Variants in AMOTL1 observed in about 807,000 individuals in gnomAD.
AMOTL1 encodes angiomotin-like protein 1.
AMOTL1 carries 45 observed loss-of-function variants against 102.9 expected under a neutral mutation model. The ratio of observed to expected loss-of-function variants is 0.44; its 90% CI spans 0.34 to 0.56. The LOEUF (loss-of-function observed/expected upper bound fraction) is 0.56, where lower values mean the gene tolerates loss of function less well. Among genes scored for constraint, AMOTL1 ranks in the 20% least tolerant of loss-of-function variants. The probability of loss-of-function intolerance (pLI) is 0.01; values close to 1 mark genes in which losing one functional copy is unlikely to be tolerated. For missense variants in AMOTL1, 1,114 were observed against 1,225.6 expected (o/e 0.91, Z 1.36); for synonymous variants, 481 against 484.7 (o/e 0.99, Z 0.10).
rs148599960 is a variant in AMOTL1 at position 94,762,323 on chromosome 11, C to T, written c.136+21335C>T. 2.5e-3 allele frequency among the ~76,000 whole-genome samples: 387 copies of T among 152,322 alleles called. 1 individual carries two copies. Among genetic ancestry groups the T allele is most frequent in the Non-Finnish European group, 4.5e-3 (303 of 68,034 alleles). On this transcript the variant is annotated intron_variant, in intron 3 of 4. Transcript: ENST00000299004. ...GGTAACATCAATTAATCAACTAACT[C>T]AGTGGTTCTCAATCAGAGGCAATTT... is the stretch of plus-strand genomic sequence containing the variant.
intron 3 of AMOTL1, among the ~76,000 whole-genome samples, chr11:94,802,833 G>A (rs1445545889): frequency 3.3e-5 from 5 of 152,208 alleles, no homozygotes; most frequent in Admixed American, 1.3e-4. Flanking sequence ...GCCTGAACTC[G>A]AAGGATTGGA....
intron 3 of AMOTL1, among the ~76,000 whole-genome samples, chr11:94,747,048 A>G (rs1364528862): frequency 6.6e-6 from 1 of 151,766 alleles, no homozygotes; most frequent in Non-Finnish European, 1.5e-5. Flanking sequence ...TGTGACCTCT[A>G]TCTCCTATGT....
intron 4 of AMOTL1, among the ~76,000 whole-genome samples, chr11:94,822,097 G>A (rs1428443494): frequency 1.3e-5 from 2 of 152,154 alleles, no homozygotes; most frequent in Non-Finnish European, 2.9e-5. Context: ...GAGACTCAGA[G>A]GCTAAGTAGG....
intron 3 of AMOTL1, among the ~76,000 whole-genome samples, chr11:94,804,560 A>T (rs1951536097): frequency 6.6e-6 from 1 of 152,172 alleles, no homozygotes; most frequent in Admixed American, 6.5e-5. Context: ...CCAAAGTGTT[A>T]AGATTACAGG....
chr11:94,859,625 C>A lies in AMOTL1; in HGVS notation c.2045C>A (p.Ala682Asp). The A allele has an allele frequency of 6.2e-7, 1 of 1,613,662 alleles. No individual in the cohort carries two copies. Among genetic ancestry groups the A allele is most frequent in the Non-Finnish European group, 8.5e-7 (1 of 1,179,760 alleles). Reference sequence around the variant, plus strand: ...GAGGAGCGGATCCTGGCCCTGGAGGCCGACATGACAAAGTGGGAGCAGAAG... The same window carrying A: ...GAGGAGCGGATCCTGGCCCTGGAGGACGACATGACAAAGTGGGAGCAGAAG... ...EKEERILALE[A>D]DMTKWEQKYL... The change falls in exon 9 of 13, where the codon GCC becomes GAC. Residue 682 changes from alanine to aspartate, a missense_variant. Ala to Asp is a moderately radical substitution (Grantham distance 126). Transcript: ENST00000433060.
chr11:94,710,588 G>A (rs530436042), intron 1 of AMOTL1, among the ~76,000 whole-genome samples: 17 of 152,300 alleles, frequency 1.1e-4, no homozygotes, highest in African/African-American at 3.1e-4. Context: ...CAGCGTTGGA[G>A]CAGTACTAAT....
At chr11:94,720,273 C>T (rs1253692216) in intron 1 of AMOTL1, among the ~76,000 whole-genome samples, 1 of 152,026 alleles carries the variant, frequency 6.6e-6, no homozygotes, top group African/African-American at 2.4e-5. Flanking sequence ...TAGGCTCCCT[C>T]AGCATATAAA....
intron 3 of AMOTL1, among the ~76,000 whole-genome samples, chr11:94,808,489 A>G (rs1951605488): frequency 6.6e-6 from 1 of 152,056 alleles, no homozygotes; most frequent in Non-Finnish European, 1.5e-5. Context: ...CAAACAAGCC[A>G]TTTTTTATTA....
upstream of AMOTL1, among the ~76,000 whole-genome samples, chr11:94,767,821 A>G (rs952302150): frequency 2.0e-5 from 3 of 152,136 alleles, no homozygotes; most frequent in African/African-American, 7.2e-5. Flanking sequence ...CACATTTAAT[A>G]TCCGAGGCTG....
intron 1 of AMOTL1, among the ~76,000 whole-genome samples, chr11:94,771,266 G>GA (rs1555067579): frequency 2.8e-5 from 4 of 144,560 alleles, no homozygotes; most frequent in East Asian, 2.1e-4. Flanking sequence ...GGTTGGGGGG[G>GA]GGGTGCGGTG....
At chr11:94,833,907 C>A (rs958941203) in intron 6 of AMOTL1, among the ~76,000 whole-genome samples, 7 of 152,148 alleles carry the variant, frequency 4.6e-5, no homozygotes, top group Admixed American at 1.3e-4. Flanking sequence ...TCACCCTTTA[C>A]CAATAAAATG....
chr11:94,824,817 G>A (rs924292149), intron 4 of AMOTL1, among the ~76,000 whole-genome samples: 3 of 152,192 alleles, frequency 2.0e-5, no homozygotes, highest in South Asian at 2.1e-4. Context: ...TGAGTTCCTC[G>A]CAGCATTGGG....
At chr11:94,788,891 A>T (rs1342951398) in intron 1 of AMOTL1, among the ~76,000 whole-genome samples, 3 of 152,216 alleles carry the variant, frequency 2.0e-5, no homozygotes, top group African/African-American at 7.2e-5. Flanking sequence ...TTTCAGAGAG[A>T]GTCTAAGTTA....
At chr11:94,761,915 A>G (rs1049481853) in intron 3 of AMOTL1, among the ~76,000 whole-genome samples, 2 of 152,212 alleles carry the variant, frequency 1.3e-5, no homozygotes, top group African/African-American at 4.8e-5. Context: ...TGTTCTTTCT[A>G]TGAACTGAAA....
At chr11:94,785,930 T>C (rs1381010276) in intron 1 of AMOTL1, among the ~76,000 whole-genome samples, 1 of 152,212 alleles carries the variant, frequency 6.6e-6, no homozygotes, top group African/African-American at 2.4e-5. Context: ...TACATGCTGG[T>C]AATACTTGTT....
intron 1 of AMOTL1, among the ~76,000 whole-genome samples, chr11:94,782,266 A>G (rs545148859): frequency 8.5e-5 from 13 of 152,332 alleles, no homozygotes; most frequent in African/African-American, 1.2e-4. Flanking sequence ...AAGAAAAACT[A>G]CTATTTGCTG....
At chr11:94,740,960 G>C in exon 3 of AMOTL1, 2 of 1,289,060 alleles carry the variant, frequency 1.6e-6, no homozygotes, top group South Asian at 1.2e-5. Flanking sequence ...TGGAAGCCTC[G>C]CCCGCATCCT....
intron 1 of AMOTL1, among the ~76,000 whole-genome samples, chr11:94,786,034 A>G (rs1221728837): frequency 6.6e-6 from 1 of 152,230 alleles, no homozygotes; most frequent in African/African-American, 2.4e-5. Context: ...ATAAACAAAC[A>G]GGTTATGATG....
intron 6 of AMOTL1, among the ~76,000 whole-genome samples, chr11:94,842,931 C>G (rs965649135): frequency 1.2e-4 from 19 of 152,182 alleles, no homozygotes; most frequent in Non-Finnish European, 2.5e-4. Context: ...TAAAAACACT[C>G]CACTCTCTCT....
Sources: allele counts gnomAD v4.1 joint callset (sites outside exome capture counted in the v4.1 genomes callset), GRCh38; gene constraint gnomAD v4.1.1; transcripts MANE v1.5; gene names NCBI Gene and HGNC (gene_info 2026-07-23, HGNC 2026-07-21).